CTNNA2: variants seen among roughly 807,000 people sequenced by gnomAD.
CTNNA2 encodes the protein catenin alpha 2, also known as catenin alpha-2.
CTNNA2 carries 42 observed loss-of-function variants against 101.0 expected under a neutral mutation model. That is an observed-to-expected ratio of 0.42 (90% CI 0.32 to 0.54). The LOEUF is 0.54. Among genes scored for constraint, CTNNA2 ranks in the 20% least tolerant of loss-of-function variants. The pLI, the probability that CTNNA2 is intolerant of heterozygous loss-of-function variation, is 0.14. For synonymous variants in CTNNA2, 450 were observed against 456.4 expected (o/e 0.99, Z 0.18); for missense variants, 871 against 1,223.1 (o/e 0.71, Z 4.29).
intron 9 of CTNNA2, among the ~76,000 whole-genome samples, chr2:80,491,616 G>T (rs1368227184): frequency 6.6e-6 from 1 of 152,242 alleles, no homozygotes; most frequent in East Asian, 1.9e-4. Flanking sequence ...GAGGCAATTA[G>T]CTTTCCAGGG....
At chr2:80,473,339 A>C (rs936962876) in intron 9 of CTNNA2, among the ~76,000 whole-genome samples, 1 of 152,204 alleles carries the variant, frequency 6.6e-6, no homozygotes, top group Non-Finnish European at 1.5e-5. Context: ...AACAGAATAC[A>C]AAATAAAAGC....
intron 4 of CTNNA2, among the ~76,000 whole-genome samples, chr2:79,384,240 C>A (rs1225213592): frequency 6.6e-6 from 1 of 152,192 alleles, no homozygotes. Flanking sequence ...TTAAACATCT[C>A]TTTTCTCAGT....
At chr2:80,294,572 T>C (rs1573620203) in intron 7 of CTNNA2, among the ~76,000 whole-genome samples, 1 of 151,980 alleles carries the variant, frequency 6.6e-6, no homozygotes, top group African/African-American at 2.4e-5. Flanking sequence ...ATGCTGTGAG[T>C]AGGCAACCCG....
At chr2:80,638,323 AT>A (rs1190622798) in intron 18 of CTNNA2, among the ~76,000 whole-genome samples, 1 of 114,200 alleles carries the variant, frequency 8.8e-6, no homozygotes, top group Non-Finnish European at 1.8e-5. Context: ...TTTCCCAATT[AT>A]GGGGGGGGTG....
chr2:79,337,695 G>A (rs1459830926), intron 3 of CTNNA2, among the ~76,000 whole-genome samples: 1 of 151,982 alleles, frequency 6.6e-6, no homozygotes, highest in African/African-American at 2.4e-5. Flanking sequence ...CATTTAACAA[G>A]TATTTATCAA....
intron 3 of CTNNA2, among the ~76,000 whole-genome samples, chr2:79,841,328 A>T (rs1159341885): frequency 6.6e-6 from 1 of 152,162 alleles, no homozygotes; most frequent in Non-Finnish European, 1.5e-5. Context: ...CCTGCTAATA[A>T]CTTTTGTTTA....
At chr2:79,251,922 C>T (rs6739224) in intron 2 of CTNNA2, among the ~76,000 whole-genome samples, 101,505 of 152,156 alleles carry the variant, frequency 0.67, 34,182 homozygotes, top group Non-Finnish European at 0.7. Context: ...CCACTGATTG[C>T]GGCGTACACC....
At chr2:79,845,125 A>G (rs965149510) in intron 3 of CTNNA2, among the ~76,000 whole-genome samples, 1 of 149,416 alleles carries the variant, frequency 6.7e-6, no homozygotes, top group African/African-American at 2.5e-5. Flanking sequence ...ATAACTGACT[A>G]AGTACCCCCT....
chr2:79,241,799 G>A (rs1469837858), intron 2 of CTNNA2, among the ~76,000 whole-genome samples: 1 of 152,164 alleles, frequency 6.6e-6, no homozygotes, highest in Non-Finnish European at 1.5e-5. Flanking sequence ...TACATAGGGT[G>A]GAGAATTAAA....
At chr2:80,291,744 C>T (rs950085019) in intron 7 of CTNNA2, among the ~76,000 whole-genome samples, 1 of 152,180 alleles carries the variant, frequency 6.6e-6, no homozygotes, top group Non-Finnish European at 1.5e-5. Context: ...GATGTGGAAA[C>T]AGTTTTTCCA....
rs556471662 is a variant in CTNNA2 at position 80,336,522 on chromosome 2, A to G, written c.1057-56689A>G. On this transcript the variant is annotated intron_variant, in intron 7 of 18. Transcript: ENST00000402739. The stretch of plus-strand genomic sequence containing the variant: ...TACTACACTTCACCTTATGCAGATT[A>G]TTATCCAAAGTTTGATATTTGCTTA... 4.6e-5 allele frequency among the ~76,000 whole-genome samples: 7 copies of G among 152,332 alleles called. No individual in the cohort carries two copies. The South Asian group carries it at 1.5e-3, about 32-fold the overall frequency.
chr2:80,178,589 G>A (rs1026139356), intron 7 of CTNNA2, among the ~76,000 whole-genome samples: 1 of 152,202 alleles, frequency 6.6e-6, no homozygotes, highest in South Asian at 2.1e-4. Context: ...TTGCACAGCA[G>A]TGTGGACCTG....
intron 4 of CTNNA2, among the ~76,000 whole-genome samples, chr2:79,388,119 T>C (rs1050671691): frequency 6.6e-6 from 1 of 152,226 alleles, no homozygotes; most frequent in Non-Finnish European, 1.5e-5. Context: ...GAGATATTTC[T>C]GCTAGATAAT....
intron 8 of CTNNA2, among the ~76,000 whole-genome samples, chr2:80,415,896 A>G (rs1397192810): frequency 6.6e-6 from 1 of 152,146 alleles, no homozygotes; most frequent in Admixed American, 6.5e-5. Flanking sequence ...GACAACATGG[A>G]TGGACTTGGA....
At chr2:79,213,717 G>A (rs1018077177) in intron 2 of CTNNA2, among the ~76,000 whole-genome samples, 4 of 152,198 alleles carry the variant, frequency 2.6e-5, no homozygotes, top group South Asian at 2.1e-4. Context: ...AATAATGTGG[G>A]AGGCTGGATT....
At chr2:79,537,944 T>A (rs1196924298) in intron 1 of CTNNA2, among the ~76,000 whole-genome samples, 3 of 152,152 alleles carry the variant, frequency 2.0e-5, no homozygotes, top group African/African-American at 4.8e-5. Flanking sequence ...ATGGCTTACT[T>A]CAGTTTCCTT....
intron 7 of CTNNA2, among the ~76,000 whole-genome samples, chr2:80,042,502 A>G (rs573547646): frequency 6.6e-6 from 1 of 152,304 alleles, no homozygotes; most frequent in Non-Finnish European, 1.5e-5. Flanking sequence ...CCTTCCTGGC[A>G]TCTTTTATCT....
chr2:79,686,919 G>A (rs1391008143), intron 2 of CTNNA2, among the ~76,000 whole-genome samples: 3 of 152,142 alleles, frequency 2.0e-5, no homozygotes, highest in Non-Finnish European at 4.4e-5. Context: ...TTAATTTAAA[G>A]TGAGGAATAG....
chr2:79,994,682 A>T (rs1366855991), intron 7 of CTNNA2, among the ~76,000 whole-genome samples: 1 of 152,198 alleles, frequency 6.6e-6, no homozygotes, highest in Admixed American at 6.5e-5. Flanking sequence ...ATTTTCAGAA[A>T]TGAAAAATAG....
Sources: gnomAD v4.1 joint callset for allele counts (sites outside exome capture counted in the v4.1 genomes callset) on GRCh38, gnomAD v4.1.1 for gene constraint, MANE v1.5 for transcripts, NCBI Gene and HGNC (gene_info 2026-07-23, HGNC 2026-07-21) for gene names.